MFSD11: variants seen among roughly 807,000 people sequenced by gnomAD.
MFSD11 encodes UNC93-like protein MFSD11.
A neutral mutation model predicts 53.5 loss-of-function variants in MFSD11; 36 were observed. The ratio of observed to expected loss-of-function variants is 0.67; its 90% CI spans 0.52 to 0.89. The LOEUF is 0.89. Ranked by LOEUF, MFSD11 falls within the 40% of genes least tolerant of loss-of-function variation. MFSD11 has a pLI of 0.00. For missense variants in MFSD11, 530 were observed against 543.9 expected, an observed-to-expected ratio of 0.97 and a Z score of 0.25; for synonymous variants, 186 against 184.9, an observed-to-expected ratio of 1.01 and a Z score of -0.05.
chr17:76,780,541 C>T (rs1422864164), downstream of MFSD11, among the ~76,000 whole-genome samples: 1 of 148,798 alleles, frequency 6.7e-6, no homozygotes, highest in African/African-American at 2.5e-5. Context: ...TTCAAGACAG[C>T]GTCTCACTCT....
chr17:76,774,862 G>C, intron 10 of MFSD11, 135 bp from the exon 11 acceptor site: 1 of 784,130 alleles, frequency 1.3e-6, no homozygotes, highest in South Asian at 1.8e-5. Context: ...TTGTCTGCAA[G>C]TGCTGAGGTG....
At chr17:76,762,005 T>C (rs1391034756) in intron 8 of MFSD11, among the ~76,000 whole-genome samples, 1 of 152,166 alleles carries the variant, frequency 6.6e-6, no homozygotes, top group Non-Finnish European at 1.5e-5. Flanking sequence ...TACAATTTAT[T>C]ATATTCAGAG....
Position 76,741,076 on chromosome 17 carries a change from A to G in MFSD11, c.260+12A>G. Reference sequence around the variant, plus strand: ...GGTTTATTTTACAGGTAAGTAGTGTAATCTTGCACTTATTTAATCAGAACA... The same window carrying G: ...GGTTTATTTTACAGGTAAGTAGTGTGATCTTGCACTTATTTAATCAGAACA... On this transcript the variant is annotated intron_variant, in intron 3 of 12. Transcript: ENST00000685175. 2.1e-6 allele frequency: 3 copies of G among 1,424,146 alleles called. No homozygotes were observed. Among genetic ancestry groups the G allele is most frequent in the Non-Finnish European group, 3.0e-6 (3 of 1,008,526 alleles). 88.2% of individuals were successfully genotyped at this position (1,424,146 alleles called of 1,614,324 possible).
chr17:76,775,032 C>A lies in MFSD11; in HGVS notation c.910C>A (p.Arg304Ser), dbSNP rs369294744. ...CTTCGGCCTGCTGAGCAAGAACAAT[C>A]GTTTTGGTAGAAATCCAGTTGTGCT... is the stretch of plus-strand genomic sequence containing the variant. Reference protein sequence around the residue: ...SLFGLLSKNNRFGRNPVVLLG... With the variant: ...SLFGLLSKNNSFGRNPVVLLG... Residue 304 changes from arginine to serine, a missense_variant, in exon 11 of 13, where the codon CGT (arginine) becomes AGT (serine). Transcript: ENST00000685175. The A allele has an allele frequency of 6.2e-7, 1 of 1,614,010 alleles. No homozygotes were observed. Among genetic ancestry groups the A allele is most frequent in the Non-Finnish European group, 8.5e-7 (1 of 1,179,940 alleles).
the MFSD11 span, among the ~76,000 whole-genome samples, chr17:76,795,218 A>T: frequency 6.7e-6 from 1 of 149,946 alleles, no homozygotes; most frequent in African/African-American, 2.5e-5. Context: ...TTACGGGCTC[A>T]TGCCTGTAAT....
downstream of MFSD11, among the ~76,000 whole-genome samples, chr17:76,781,821 C>T (rs1011287610): frequency 6.6e-6 from 1 of 152,056 alleles, no homozygotes; most frequent in African/African-American, 2.4e-5. Flanking sequence ...TTTTCAGTTT[C>T]GTACTCACTT....
chr17:76,770,098 T>C (rs1186113308), intron 10 of MFSD11, among the ~76,000 whole-genome samples: 4 of 149,390 alleles, frequency 2.7e-5, no homozygotes, highest in Non-Finnish European at 5.9e-5. Context: ...AGTGCAGTGG[T>C]GCGATCTCAG....
chr17:76,772,775 C>G (rs1446114340), intron 10 of MFSD11, among the ~76,000 whole-genome samples: 3 of 152,124 alleles, frequency 2.0e-5, no homozygotes, highest in Admixed American at 6.5e-5. Flanking sequence ...CTCGGCCTCC[C>G]AAAGTGCTGG....
rs570734399 is a variant in MFSD11 at position 76,770,047 on chromosome 17, T to C, written c.874+176T>C. ...ATTCTTTTTCTTTTTTTTTTTTTTT[T>C]TCCAGACAGAGTCTCGCTCTGTCGC... is the stretch of plus-strand genomic sequence containing the variant. On this transcript the variant is annotated intron_variant, in intron 10 of 12. Coordinates refer to ENST00000685175, the MANE Select transcript of MFSD11 (RefSeq NM_001242532.5). Among the ~76,000 whole-genome samples, 5 of 146,204 alleles carry C rather than the reference T, an allele frequency of 3.4e-5. No homozygotes were observed. In the East Asian group the frequency reaches 1.2e-3, roughly 35 times the overall value.
At chr17:76,801,321 T>C in the MFSD11 span, among the ~76,000 whole-genome samples, 1 of 120,912 alleles carries the variant, frequency 8.3e-6, no homozygotes, top group Non-Finnish European at 1.6e-5. Context: ...TCTGAGATCA[T>C]GGCCTGCACT....
intron 7 of MFSD11, among the ~76,000 whole-genome samples, chr17:76,747,278 C>T (rs2078637985): frequency 1.3e-5 from 2 of 151,664 alleles, no homozygotes; most frequent in South Asian, 4.2e-4. Context: ...CTTTGGGAGG[C>T]TGAGGCAGGT....
chr17:76,748,708 A>G (rs544980166), intron 7 of MFSD11, among the ~76,000 whole-genome samples: 17 of 73,658 alleles, frequency 2.3e-4, no homozygotes, highest in African/African-American at 5.7e-4. Flanking sequence ...TCTGTCCTCT[A>G]TCTCAAGTGC....
At chr17:76,744,498 A>C in intron 7 of MFSD11, 32 bp downstream of exon 7, 1 of 1,592,014 alleles carries the variant, frequency 6.3e-7, no homozygotes, top group Non-Finnish European at 8.5e-7. Context: ...ATTTTATTTT[A>C]AAATAGATTT....
chr17:76,797,995 C>T, the MFSD11 span, among the ~76,000 whole-genome samples: 8 of 151,934 alleles, frequency 5.3e-5, no homozygotes, highest in Non-Finnish European at 5.9e-5. Flanking sequence ...GTGATCCTCC[C>T]ACCTCAGCCT....
At chr17:76,744,260 C>G (rs1446955837) in intron 6 of MFSD11, 62 bp from the exon 7 acceptor site, 3 of 1,513,224 alleles carry the variant, frequency 2.0e-6, no homozygotes, top group South Asian at 1.3e-5. Context: ...GCCCTTGTAC[C>G]GTGATACTAA....
At chr17:76,767,133 T>C (rs2080919473) in intron 8 of MFSD11, 1 of 374,216 alleles carries the variant, frequency 2.7e-6, no homozygotes, top group Non-Finnish European at 4.8e-6. Flanking sequence ...TTCCTTTTCA[T>C]GTTTTTGTTA....
rs773684372 is a variant in MFSD11, at chr17:76,776,578, G to A, written c.1185+37G>A. On this transcript the variant is annotated intron_variant, in intron 12 of 12. Coordinates refer to ENST00000685175, the MANE Select transcript of MFSD11 (RefSeq NM_001242532.5). This position sits in a 1 kb window ranked among gnomAD's most constrained non-coding sequence, Gnocchi z 4.2. ...AGATTGTGATTGTGTTTGACATAGG[G>A]CTCTTCCCTTTGTGTATTGCCTTGT... The A allele has an allele frequency of 3.1e-6, 5 of 1,594,306 alleles. No individual in the cohort carries two copies. Among genetic ancestry groups the A allele is most frequent in the Admixed American group, 1.8e-5 (1 of 56,518 alleles).
At chr17:76,796,285 T>C in the MFSD11 span, among the ~76,000 whole-genome samples, 3 of 152,142 alleles carry the variant, frequency 2.0e-5, no homozygotes, top group Admixed American at 2.0e-4. Flanking sequence ...ACAGCAGCCT[T>C]TTCCTGACTT....
intron 10 of MFSD11, 121 bp from the exon 11 acceptor site, chr17:76,774,876 G>A: frequency 1.0e-6 from 1 of 975,412 alleles, no homozygotes; most frequent in Non-Finnish European, 1.5e-6. Context: ...TGAGGTGTTG[G>A]GTTTTTTGAA....
Sources: allele counts gnomAD v4.1 joint callset (sites outside exome capture counted in the v4.1 genomes callset), GRCh38; gene constraint gnomAD v4.1.1; non-coding constraint Gnocchi (gnomAD v3.1); transcripts MANE v1.5; gene names NCBI Gene and HGNC (gene_info 2026-07-23, HGNC 2026-07-21).